The following C12orf42 variants were observed in gnomAD, a reference collection of about 807,000 sequenced individuals.
The protein encoded by C12orf42 is uncharacterized protein C12orf42.
C12orf42 carries 25 observed loss-of-function variants against 21.6 expected under a neutral mutation model. The observed-to-expected ratio is 1.16, with a 90% CI of 0.84 to 1.62. The LOEUF (loss-of-function observed/expected upper bound fraction) is 1.62. Ranked by LOEUF, C12orf42 falls within the 40% of genes most tolerant of loss-of-function variation. C12orf42 has a pLI of 0.00. For missense variants in C12orf42, 483 were observed against 459.3 expected (o/e 1.05, Z -0.47); for synonymous variants, 174 against 175.0 (o/e 0.99, Z 0.05).
At chr12:103,488,760 A>G (rs756656903) in intron 1 of C12orf42, among the ~76,000 whole-genome samples, 7 of 152,156 alleles carry the variant, frequency 4.6e-5, no homozygotes, top group African/African-American at 7.2e-5. Context: ...AAGCTTGTGC[A>G]TGTGTCACGA....
chr12:103,335,565 A>G (rs1285018514), intron 4 of C12orf42, among the ~76,000 whole-genome samples: 1 of 152,250 alleles, frequency 6.6e-6, no homozygotes, highest in Non-Finnish European at 1.5e-5. Flanking sequence ...TCTCCCACTT[A>G]AGCTTGAAGC....
chr12:103,247,593 G>A (rs2034069340), intron 10 of C12orf42, among the ~76,000 whole-genome samples: 1 of 152,002 alleles, frequency 6.6e-6, no homozygotes, highest in Non-Finnish European at 1.5e-5. Context: ...AGGCCAGCTT[G>A]TCCTCCTCAC....
intron 5 of C12orf42, among the ~76,000 whole-genome samples, chr12:103,304,318 T>A (rs1444188636): frequency 6.6e-6 from 1 of 151,220 alleles, no homozygotes; most frequent in Non-Finnish European, 1.5e-5. Flanking sequence ...AGAAGGAATA[T>A]GCAGGCAATA....
intron 2 of C12orf42, among the ~76,000 whole-genome samples, chr12:103,446,396 A>G (rs1011347022): frequency 6.6e-6 from 1 of 152,034 alleles, no homozygotes; most frequent in African/African-American, 2.4e-5. Context: ...AAATACACCA[A>G]AATAGAACCT....
intron 1 of C12orf42, among the ~76,000 whole-genome samples, chr12:103,488,766 C>T (rs528873593): frequency 6.6e-6 from 1 of 152,276 alleles, no homozygotes; most frequent in Admixed American, 6.5e-5. Context: ...GTGCATGTGT[C>T]ACGAAGTTTT....
the C12orf42 span, among the ~76,000 whole-genome samples, chr12:103,181,403 A>G: frequency 6.6e-6 from 1 of 152,254 alleles, no homozygotes; most frequent in African/African-American, 2.4e-5. Flanking sequence ...TAAGCATACC[A>G]TAAATGGAAC....
intron 3 of C12orf42, among the ~76,000 whole-genome samples, chr12:103,375,396 G>T (rs1435073525): frequency 6.6e-6 from 1 of 152,252 alleles, no homozygotes; most frequent in South Asian, 2.1e-4. Context: ...ATACTCAACA[G>T]TTTTAGGGAC....
chr12:103,264,248 A>T (rs1472670666), downstream of C12orf42, among the ~76,000 whole-genome samples: 1 of 140,842 alleles, frequency 7.1e-6, no homozygotes, highest in Non-Finnish European at 1.5e-5. Context: ...GCCTGGTTTC[A>T]GGTCATAGAG....
the C12orf42 span, among the ~76,000 whole-genome samples, chr12:103,202,209 G>A: frequency 1.3e-5 from 2 of 152,204 alleles, no homozygotes; most frequent in East Asian, 1.9e-4. Context: ...GAATCAGGAC[G>A]AGTAAAGGTG....
the C12orf42 span, among the ~76,000 whole-genome samples, chr12:103,232,561 A>C: frequency 1.3e-5 from 2 of 152,094 alleles, no homozygotes; most frequent in Non-Finnish European, 2.9e-5. Context: ...ATACAAAAAA[A>C]TTAGCCAGGT....
intron 4 of C12orf42, among the ~76,000 whole-genome samples, chr12:103,310,794 A>G (rs1214777644): frequency 6.6e-6 from 1 of 152,242 alleles, no homozygotes; most frequent in African/African-American, 2.4e-5. Flanking sequence ...GAAAATGTCT[A>G]CCAGAATTTG....
chr12:103,187,872 T>C, the C12orf42 span, among the ~76,000 whole-genome samples: 1 of 152,194 alleles, frequency 6.6e-6, no homozygotes, highest in East Asian at 1.9e-4. Flanking sequence ...TGTGTGTGCC[T>C]TGACTCCTTA....
intron 2 of C12orf42, among the ~76,000 whole-genome samples, chr12:103,407,226 A>G (rs968884240): frequency 3.3e-5 from 5 of 152,140 alleles, no homozygotes; most frequent in African/African-American, 1.2e-4. Context: ...CCAAGTGATT[A>G]AAAAAAGAGA....
intron 4 of C12orf42, among the ~76,000 whole-genome samples, chr12:103,333,022 C>A (rs2041378073): frequency 6.6e-6 from 1 of 152,018 alleles, no homozygotes; most frequent in Admixed American, 6.6e-5. Context: ...ATGAAAAATG[C>A]CGATTATGCT....
intron 2 of C12orf42, among the ~76,000 whole-genome samples, chr12:103,416,469 G>T: frequency 6.6e-6 from 1 of 152,018 alleles, no homozygotes; most frequent in Non-Finnish European, 1.5e-5. Flanking sequence ...ATTTAGATTG[G>T]TTATTTTCAA....
At chr12:103,403,047 G>A (rs779110393) in intron 2 of C12orf42, among the ~76,000 whole-genome samples, 12 of 152,090 alleles carry the variant, frequency 7.9e-5, no homozygotes, top group African/African-American at 1.4e-4. Context: ...TCAACTCTGC[G>A]CTGGGCACAT....
chr12:103,242,920 T>C (rs1037706012), intron 10 of C12orf42, among the ~76,000 whole-genome samples: 1 of 152,194 alleles, frequency 6.6e-6, no homozygotes, highest in Non-Finnish European at 1.5e-5. Flanking sequence ...ATTTTCATGG[T>C]GCTTGTGTAA....
intron 5 of C12orf42, among the ~76,000 whole-genome samples, chr12:103,276,352 T>C (rs1255424575): frequency 1.3e-5 from 2 of 152,160 alleles, no homozygotes; most frequent in Non-Finnish European, 2.9e-5. Flanking sequence ...TTCTTCCTAG[T>C]GTTTGCAGAA....
chr12:103,264,158 A>G (rs1171184720), downstream of C12orf42, among the ~76,000 whole-genome samples: 1 of 141,170 alleles, frequency 7.1e-6, no homozygotes, highest in Non-Finnish European at 1.5e-5. Context: ...GAAAGTAACA[A>G]TGCTTCTAAA....
Sources: allele counts gnomAD v4.1 joint callset (sites outside exome capture counted in the v4.1 genomes callset), GRCh38; gene constraint gnomAD v4.1.1; transcripts MANE v1.5; gene names NCBI Gene and HGNC (gene_info 2026-07-23, HGNC 2026-07-21).